Variants in EVPL observed in about 807,000 individuals in gnomAD.
EVPL encodes 210 kDa cornified envelope precursor protein.
A neutral mutation model predicts 129.7 loss-of-function variants in EVPL; 94 were observed. The observed-to-expected ratio is 0.72, with a 90% CI of 0.61 to 0.86. The LOEUF is 0.86. Ranked by LOEUF, EVPL falls within the 40% of genes least tolerant of loss-of-function variation. EVPL has a pLI of 0.00. For synonymous variants in EVPL, 1,172 were observed against 1,191.1 expected, an observed-to-expected ratio of 0.98 and a Z score of 0.33; for missense variants, 2,625 against 2,721.1, an observed-to-expected ratio of 0.96 and a Z score of 0.79.
chr17:76,027,014 G>A (rs566861676), intron 1 of EVPL, 87 bp downstream of exon 1: 49 of 777,164 alleles, frequency 6.3e-5, no homozygotes, highest in South Asian at 5.6e-4. Flanking sequence ...GCTCTGGGCC[G>A]CCGCCGCCGC....
At chr17:76,023,944 G>C in intron 2 of EVPL, 77 bp downstream of exon 2, 1 of 1,501,898 alleles carries the variant, frequency 6.7e-7, no homozygotes, top group Non-Finnish European at 9.1e-7. Context: ...GGGCACTCAG[G>C]GAGTGCCAGG....
At position 76,025,663 on chromosome 17, in the gene EVPL, C is replaced by T. The variant is rs553774145; in HGVS notation, c.98+1438G>A. The stretch of plus-strand genomic sequence containing the variant: ...TGAGAGTCTTAACCACTGTCTTTCC[C>T]GTCCGCCCAGACACCCAGCCTCGGT... On this transcript the variant is annotated intron_variant, in intron 1 of 21. Transcript: ENST00000301607. Among the ~76,000 whole-genome samples, 53 of 152,334 alleles carry T rather than the reference C, an allele frequency of 3.5e-4. 1 individual carries two copies. Among genetic ancestry groups the T allele is most frequent in the Admixed American group, 4.6e-4 (7 of 15,298 alleles).
At position 76,023,663 on chromosome 17, in the gene EVPL, A is replaced by C; in HGVS notation, c.199-9T>G. 6.5e-7 allele frequency: 1 copy of C among 1,548,076 alleles called. No homozygotes were observed. Among genetic ancestry groups the C allele is most frequent in the South Asian group, 1.2e-5 (1 of 84,840 alleles). Reference sequence around the variant, plus strand: ...TCACTGTTCAGCCGGTCCTGTGGGCAGGAGATGGGCAGACTGGCCAGGGCC... The same window carrying C: ...TCACTGTTCAGCCGGTCCTGTGGGCCGGAGATGGGCAGACTGGCCAGGGCC... On this transcript the variant is annotated splice_polypyrimidine_tract_variant and intron_variant, in intron 2 of 21. Coordinates refer to ENST00000301607, the MANE Select transcript of EVPL (RefSeq NM_001988.4).
intron 1 of EVPL, among the ~76,000 whole-genome samples, chr17:76,026,242 ATTTTT>A (rs61017516): frequency 7.7e-5 from 10 of 130,190 alleles, no homozygotes; most frequent in African/African-American, 3.0e-4. Context: ...TTGCGCCAGG[ATTTTT>A]TTTTTTTTTT....
intron 17 of EVPL, 108 bp downstream of exon 17, chr17:76,014,808 C>G (rs890226823): frequency 8.0e-6 from 10 of 1,252,454 alleles, no homozygotes; most frequent in Admixed American, 5.3e-5. Flanking sequence ...GATGAGGAAA[C>G]AGCTTCAGAG....
At chr17:76,020,347 T>C (rs1231831752) in intron 9 of EVPL, among the ~76,000 whole-genome samples, 1 of 151,970 alleles carries the variant, frequency 6.6e-6, no homozygotes, top group East Asian at 1.9e-4. Context: ...CATAAAACAC[T>C]TGGTCTTCGT....
chr17:76,018,316 G>T, intron 12 of EVPL, 58 bp from the exon 13 acceptor site: 1 of 1,517,532 alleles, frequency 6.6e-7, no homozygotes. Context: ...TCCCTCCCCA[G>T]CCCCAGTAGA....
In EVPL at chr17:76,010,004, C is replaced by G. The variant is rs751613911; in HGVS notation, c.3201G>C (p.Glu1067Asp). 17 of 1,613,426 alleles carry G rather than the reference C, an allele frequency of 1.1e-5. No individual in the cohort carries two copies. The highest frequency in any genetic ancestry group is 1.6e-4 in the Middle Eastern group (1 of 6,084). The stretch of plus-strand genomic sequence containing the variant: ...CCACGACCTTCTCCTTCACGTCCAC[C>G]TCCCTCTTCTCAAGGGCCAGTAGCT... ...KKELLALEKREVDVKEKVVVK... is the reference protein window; with the variant it reads ...KKELLALEKRDVDVKEKVVVK... The change falls in exon 22 of 22, where the codon GAG becomes GAC. Residue 1067 changes from glutamate (E) to aspartate (D), a missense_variant. Glu to Asp is a conservative substitution (Grantham distance 45, BLOSUM62 2). This residue lies in a region of EVPL where 1,453 missense variants were observed against 1,511.8 expected (regional missense o/e 0.96). Coordinates refer to ENST00000301607, the MANE Select transcript of EVPL (RefSeq NM_001988.4).
In EVPL at chr17:76,026,822, G is replaced by A. The variant is rs184024314; in HGVS notation, c.98+279C>T. Among the ~76,000 whole-genome samples, 7 of 152,354 alleles carry A rather than the reference G, an allele frequency of 4.6e-5. No individual in the cohort carries two copies. In the East Asian group the frequency reaches 9.6e-4, roughly 21 times the overall value. On this transcript the variant is annotated intron_variant, in intron 1 of 21. Coordinates refer to ENST00000301607, the MANE Select transcript of EVPL (RefSeq NM_001988.4). ...GGCTCCTGTCCAGCACTTCTCCCGCGAAGCGGCCTCAATCCGTGGCCCTCA... is the reference window on the plus strand; with the variant it reads ...GGCTCCTGTCCAGCACTTCTCCCGCAAAGCGGCCTCAATCCGTGGCCCTCA...
chr17:76,012,030 G>A lies in EVPL; in HGVS notation c.2433C>T (p.Ser811=), dbSNP rs1474733590. ...ERDRATASHL[S]QALQAALQDY... ...CCTGGAGCGCTGCCTGCAGGGCCTG[G>A]GAGAGGTGGGATGCTGTGGCCCTGT... The change falls in exon 19 of 22, where the codon TCC becomes TCT. Residue 811 remains serine (S), a synonymous_variant. Coordinates refer to ENST00000301607, the MANE Select transcript of EVPL (RefSeq NM_001988.4). The A allele has an allele frequency of 6.2e-7, 1 of 1,612,904 alleles. No homozygotes were observed. Among genetic ancestry groups the A allele is most frequent in the Non-Finnish European group, 8.5e-7 (1 of 1,179,732 alleles).
At position 76,017,825 on chromosome 17, in the gene EVPL, CTATCTGT is replaced by C; in HGVS notation, c.1617_1623del (p.Gln540ArgfsTer12). ...CGCGCCCAGGCCAGCACCTGCCTCT[CTATCTGT>C]CCCAGGTCTCCATCCAGCCGGGTCA... is the stretch of plus-strand genomic sequence containing the variant. On this transcript the variant is annotated frameshift_variant, in exon 14 of 22. Transcript: ENST00000301607. LOFTEE classifies it high-confidence loss of function. 3.1e-6 allele frequency: 5 copies of C among 1,613,960 alleles called. No individual in the cohort carries two copies. Among genetic ancestry groups the C allele is most frequent in the Non-Finnish European group, 4.2e-6 (5 of 1,180,044 alleles).
At position 76,015,306 on chromosome 17, in the gene EVPL, C is replaced by A. The variant is rs1356682237; in HGVS notation, c.1949G>T (p.Gly650Val). The A allele has an allele frequency of 6.2e-7, 1 of 1,602,962 alleles. No homozygotes were observed. The highest frequency in any genetic ancestry group is 1.7e-5 in the Admixed American group (1 of 59,652). ...CTCCTGCACCAGGGTGGCCTCGAAG[C>A]CTCGGATGACCCTGTCCGCATCCTG... ...QIQDADRVIR[G>V]FEATLVQEAP... is the part of the protein sequence containing the mutation. The change falls in exon 16 of 22, where the codon GGC becomes GTC. Residue 650 changes from glycine (G) to valine (V), a missense_variant. Gly to Val is a moderately radical substitution (Grantham distance 109). Coordinates refer to ENST00000301607, the MANE Select transcript of EVPL (RefSeq NM_001988.4).
intron 10 of EVPL, among the ~76,000 whole-genome samples, chr17:76,019,326 C>G (rs2066441289): frequency 6.6e-6 from 1 of 152,134 alleles, no homozygotes; most frequent in Non-Finnish European, 1.5e-5. Flanking sequence ...TGTCCCACTG[C>G]AAATGAGGAA....
chr17:76,022,342 C>G lies in EVPL; in HGVS notation c.606+71G>C. On this transcript the variant is annotated intron_variant, in intron 5 of 21. Coordinates refer to ENST00000301607, the MANE Select transcript of EVPL (RefSeq NM_001988.4). The surrounding 1 kb of genome is among the most constrained non-coding windows in gnomAD (Gnocchi z 5.6). ...CCCCTATCCCCAGGGCCCAGCCGAT[C>G]TAGCTCCGGCTCTGACTGGAGAAAC... The G allele has an allele frequency of 6.2e-7, 1 of 1,606,886 alleles. No homozygotes were observed. Among genetic ancestry groups the G allele is most frequent in the Non-Finnish European group, 8.5e-7 (1 of 1,176,566 alleles).
rs2066472472 is a variant in EVPL at position 76,022,881 on chromosome 17, C to G, written c.481-343G>C. 6.6e-6 allele frequency among the ~76,000 whole-genome samples: 1 copy of G among 152,146 alleles called. No homozygotes were observed. Among genetic ancestry groups the G allele is most frequent in the African/African-American group, 2.4e-5 (1 of 41,428 alleles). ...CTCCAGCCGGGCCCTTCCCCACTGT[C>G]CCTCTATTGTCATGATGACACCCCT... On this transcript the variant is annotated intron_variant, in intron 4 of 21. Transcript: ENST00000301607. The surrounding 1 kb of genome is among the most constrained non-coding windows in gnomAD (Gnocchi z 5.6).
Position 76,015,545 on chromosome 17 carries a change from G to T in EVPL, c.1794C>A (p.Pro598=). Residue 598 remains proline, a synonymous_variant, in exon 15 of 22, where the codon CCC becomes CCA. Coordinates refer to ENST00000301607, the MANE Select transcript of EVPL (RefSeq NM_001988.4). ...KECEAFLSTR[P]VGPAALQLPV... is the part of the protein sequence containing the mutation. ...GCAGCTGCAGGGCAGCGGGGCCCAC[G>T]GGCCGCGTGGACAGAAACGCCTCGC... The T allele has an allele frequency of 6.2e-7, 1 of 1,612,946 alleles. No homozygotes were observed. Among genetic ancestry groups the T allele is most frequent in the Non-Finnish European group, 8.5e-7 (1 of 1,180,030 alleles).
In EVPL at chr17:76,015,257, C is replaced by T. The variant is rs1218421810; in HGVS notation, c.1998G>A (p.Gly666=). 2 of 1,601,936 alleles carry T rather than the reference C, an allele frequency of 1.2e-6. No individual in the cohort carries two copies. The highest frequency in any genetic ancestry group is 1.7e-6 in the Non-Finnish European group (2 of 1,178,310). ...VQEAPIPAEP[G]ALQERVSELQ... is the part of the protein sequence containing the mutation. ...GCTCGCTGACCCTCTCCTGCAGAGC[C>T]CCCGGTTCAGCAGGGATGGGGGCCT... The change falls in exon 16 of 22, where the codon GGG becomes GGA. Residue 666 remains glycine, a synonymous_variant. Transcript: ENST00000301607.
intron 10 of EVPL, 127 bp from the exon 11 acceptor site, chr17:76,019,187 TA>T: frequency 9.6e-7 from 1 of 1,039,102 alleles, no homozygotes; most frequent in South Asian, 2.1e-5. Flanking sequence ...GTCAGCAAAG[TA>T]AAAGGAGCCC....
intron 19 of EVPL, 31 bp from the exon 20 acceptor site, chr17:76,011,913 C>T: frequency 6.2e-7 from 1 of 1,609,090 alleles, no homozygotes; most frequent in Non-Finnish European, 8.5e-7. Context: ...AGCAGGCTGG[C>T]AACCAGTGGG....
Sources: allele counts gnomAD v4.1 joint callset (sites outside exome capture counted in the v4.1 genomes callset), GRCh38; gene constraint gnomAD v4.1.1; regional missense constraint gnomAD v4.1.1; non-coding constraint Gnocchi (gnomAD v3.1); transcripts MANE v1.5; gene names NCBI Gene and HGNC (gene_info 2026-07-23, HGNC 2026-07-21).